Variants in GALNT13 observed in about 807,000 individuals in gnomAD.
The protein encoded by GALNT13 is polypeptide N-acetylgalactosaminyltransferase 13.
A neutral mutation model predicts 64.2 loss-of-function variants in GALNT13; 28 were observed. The observed-to-expected ratio is 0.44, with a 90% CI of 0.32 to 0.60. The LOEUF is 0.60. Ranked by LOEUF, GALNT13 falls within the 20% of genes least tolerant of loss-of-function variation. The pLI, the probability that GALNT13 is intolerant of heterozygous loss-of-function variation, is 0.05. For missense variants in GALNT13, 577 were observed against 669.8 expected (o/e 0.86, Z 1.53); for synonymous variants, 214 against 224.6 (o/e 0.95, Z 0.42).
chr2:154,362,273 G>A (rs967551428), intron 9 of GALNT13, among the ~76,000 whole-genome samples: 3 of 126,602 alleles, frequency 2.4e-5, no homozygotes, highest in African/African-American at 9.2e-5. Context: ...CAAGAAGTGA[G>A]TCTATCTAGT....
chr2:154,188,168 T>C (rs1185918398), intron 4 of GALNT13, among the ~76,000 whole-genome samples: 2 of 152,130 alleles, frequency 1.3e-5, no homozygotes, highest in African/African-American at 2.4e-5. Flanking sequence ...TGAACAGATG[T>C]ACAAATGTCA....
chr2:154,160,252 C>A (rs1684655444), intron 4 of GALNT13, among the ~76,000 whole-genome samples: 1 of 152,114 alleles, frequency 6.6e-6, no homozygotes, highest in East Asian at 1.9e-4. Flanking sequence ...TTGTGAGAAG[C>A]ATTTTGGAGA....
chr2:153,702,760 G>C, the GALNT13 span, among the ~76,000 whole-genome samples: 7 of 152,116 alleles, frequency 4.6e-5, no homozygotes, highest in African/African-American at 7.2e-5. Flanking sequence ...CTAATTTTGA[G>C]ATGAAAAACC....
At chr2:153,766,195 G>A in the GALNT13 span, among the ~76,000 whole-genome samples, 1 of 151,752 alleles carries the variant, frequency 6.6e-6, no homozygotes, top group Non-Finnish European at 1.5e-5. Context: ...GTCTTGCCTG[G>A]GCTCTGAGGT....
chr2:153,261,499 C>A, the GALNT13 span, among the ~76,000 whole-genome samples: 1 of 152,164 alleles, frequency 6.6e-6, no homozygotes, highest in Non-Finnish European at 1.5e-5. Flanking sequence ...GGTAGAGACT[C>A]TTGTTTTCTT....
chr2:153,222,980 G>T, the GALNT13 span, among the ~76,000 whole-genome samples: 2 of 152,228 alleles, frequency 1.3e-5, no homozygotes, highest in African/African-American at 2.4e-5. Context: ...CGGTGAGGGG[G>T]GTGTGACTTC....
At chr2:153,778,590 C>T in the GALNT13 span, among the ~76,000 whole-genome samples, 1 of 152,282 alleles carries the variant, frequency 6.6e-6, no homozygotes, top group East Asian at 1.9e-4. Context: ...ATGTAACCTA[C>T]TAAACTCTAT....
At chr2:154,056,216 A>G (rs1290448136) in intron 3 of GALNT13, among the ~76,000 whole-genome samples, 3 of 152,178 alleles carry the variant, frequency 2.0e-5, no homozygotes, top group Non-Finnish European at 2.9e-5. Flanking sequence ...CCAAAAGTCA[A>G]TATAAGTCTG....
chr2:154,021,902 T>A (rs932039466), intron 3 of GALNT13, among the ~76,000 whole-genome samples: 12 of 151,966 alleles, frequency 7.9e-5, no homozygotes, highest in Non-Finnish European at 1.8e-4. Context: ...TTGAGAGTTT[T>A]TAGCATGAAG....
chr2:153,615,346 A>T, the GALNT13 span, among the ~76,000 whole-genome samples: 1 of 152,076 alleles, frequency 6.6e-6, no homozygotes, highest in Non-Finnish European at 1.5e-5. Flanking sequence ...GGGAGTGCAG[A>T]TGCCTCTTCC....
At chr2:153,478,851 G>C in the GALNT13 span, 1 of 380,476 alleles carries the variant, frequency 2.6e-6, no homozygotes, top group South Asian at 1.1e-4. Flanking sequence ...GGACCAGCCC[G>C]GCCGTGGGAG....
At chr2:153,975,186 C>T (rs919780960) in intron 3 of GALNT13, among the ~76,000 whole-genome samples, 5 of 152,032 alleles carry the variant, frequency 3.3e-5, no homozygotes, top group Middle Eastern at 3.4e-3. Context: ...CCTGTGATGG[C>T]ATCTCTTGGC....
the GALNT13 span, among the ~76,000 whole-genome samples, chr2:153,264,764 A>C: frequency 1.3e-4 from 20 of 152,152 alleles, no homozygotes; most frequent in African/African-American, 4.8e-4. Context: ...ACACATGGAC[A>C]CAGGGAGGGG....
chr2:153,612,347 CA>C, the GALNT13 span, among the ~76,000 whole-genome samples: 1 of 151,946 alleles, frequency 6.6e-6, no homozygotes, highest in Non-Finnish European at 1.5e-5. Context: ...GGTATATAAC[CA>C]AAGGATATGT....
At chr2:153,417,995 C>G in the GALNT13 span, among the ~76,000 whole-genome samples, 1 of 152,122 alleles carries the variant, frequency 6.6e-6, no homozygotes, top group African/African-American at 2.4e-5. Context: ...GTGGGAGAAC[C>G]AGCAAGAGAG....
At chr2:153,100,215 A>G in the GALNT13 span, among the ~76,000 whole-genome samples, 3 of 152,202 alleles carry the variant, frequency 2.0e-5, no homozygotes, top group Non-Finnish European at 4.4e-5. Flanking sequence ...ACAAAAACCA[A>G]AACTTTCAGA....
chr2:153,738,665 T>C, the GALNT13 span, among the ~76,000 whole-genome samples: 1 of 151,910 alleles, frequency 6.6e-6, no homozygotes, highest in Non-Finnish European at 1.5e-5. Flanking sequence ...CACAACTTCC[T>C]TCTTTCTGTG....
chr2:153,313,059 G>T, the GALNT13 span, among the ~76,000 whole-genome samples: 1 of 152,248 alleles, frequency 6.6e-6, no homozygotes, highest in African/African-American at 2.4e-5. Flanking sequence ...TGGCTAGGTT[G>T]CAGAGAAAAA....
the GALNT13 span, among the ~76,000 whole-genome samples, chr2:153,484,363 A>G: frequency 2.0e-5 from 3 of 152,310 alleles, no homozygotes; most frequent in Non-Finnish European, 2.9e-5. Context: ...TATTTATTAA[A>G]CCATAACTGA....
Sources: allele counts gnomAD v4.1 joint callset (sites outside exome capture counted in the v4.1 genomes callset), GRCh38; gene constraint gnomAD v4.1.1; transcripts MANE v1.5; gene names NCBI Gene and HGNC (gene_info 2026-07-23, HGNC 2026-07-21).